The following PRKN variants were observed in gnomAD, a reference collection of about 807,000 sequenced individuals.
The protein encoded by PRKN is E3 ubiquitin-protein ligase parkin.
A neutral mutation model predicts 59.5 loss-of-function variants in PRKN; 56 were observed. The ratio of observed to expected loss-of-function variants is 0.94; its 90% confidence interval spans 0.76 to 1.18. PRKN has a LOEUF of 1.18. PRKN is among the 50% of genes most tolerant of loss of function. The pLI is 0.00. For missense variants in PRKN, 657 were observed against 596.4 expected (o/e 1.10, Z -1.06); for synonymous variants, 250 against 222.1 (o/e 1.13, Z -1.12).
chr6:162,250,868 C>G (rs1012378382), intron 3 of PRKN, among the ~76,000 whole-genome samples: 1 of 151,220 alleles, frequency 6.6e-6, no homozygotes, highest in African/African-American at 2.4e-5. Flanking sequence ...TTTTAGGGCT[C>G]TAGTTATTTC....
intron 4 of PRKN, among the ~76,000 whole-genome samples, chr6:162,141,311 T>C (rs368910019): frequency 6.6e-6 from 1 of 152,134 alleles, no homozygotes; most frequent in South Asian, 2.1e-4. Context: ...ATCAAAAGTA[T>C]CTAAGATTCA....
intron 2 of PRKN, among the ~76,000 whole-genome samples, chr6:162,281,522 G>A (rs1046631011): frequency 1.3e-5 from 2 of 152,084 alleles, no homozygotes; most frequent in African/African-American, 4.8e-5. Context: ...TATCTAACCT[G>A]CTATATCCTA....
chr6:162,561,167 A>C (rs1164856365), intron 1 of PRKN, among the ~76,000 whole-genome samples: 9 of 152,138 alleles, frequency 5.9e-5, no homozygotes, highest in Non-Finnish European at 1.5e-5. Flanking sequence ...GATAAAGCTG[A>C]GGTCTCCAGG....
At chr6:162,226,014 C>T (rs996230185) in intron 3 of PRKN, among the ~76,000 whole-genome samples, 1 of 146,994 alleles carries the variant, frequency 6.8e-6, no homozygotes, top group Non-Finnish European at 1.5e-5. Context: ...AAGCAATGAT[C>T]CCCCAGGGGA....
chr6:162,130,671 A>G (rs1054082311), intron 4 of PRKN, among the ~76,000 whole-genome samples: 10 of 152,222 alleles, frequency 6.6e-5, no homozygotes, highest in African/African-American at 2.4e-4. Context: ...GTGACTATCC[A>G]TCATACAGGA....
At chr6:162,139,332 G>C (rs1781682242) in intron 4 of PRKN, among the ~76,000 whole-genome samples, 1 of 152,106 alleles carries the variant, frequency 6.6e-6, no homozygotes. Flanking sequence ...AAAATTTTTA[G>C]AATAAGTATC....
At chr6:162,096,525 C>G (rs1403299865) in intron 4 of PRKN, among the ~76,000 whole-genome samples, 4 of 152,148 alleles carry the variant, frequency 2.6e-5, no homozygotes, top group African/African-American at 7.2e-5. Context: ...AATTGTAGCT[C>G]CCATAATTCC....
chr6:162,574,216 G>A (rs1387590234), intron 1 of PRKN, among the ~76,000 whole-genome samples: 1 of 152,072 alleles, frequency 6.6e-6, no homozygotes, highest in Non-Finnish European at 1.5e-5. Context: ...AATCTTCAAA[G>A]AAGGCACATA....
In PRKN at chr6:162,495,201, G is replaced by A. The variant is rs1313347365; in HGVS notation, c.8-51728C>T. Among the ~76,000 whole-genome samples, 3 of 152,240 alleles carry A rather than the reference G, an allele frequency of 2.0e-5. No individual in the cohort carries two copies. In the East Asian group the frequency reaches 5.8e-4, roughly 29 times the overall value. On this transcript the variant is annotated intron_variant, in intron 1 of 11. Transcript: ENST00000366898. ...AAAAAAGTTATTCAAAGAAGTATTT[G>A]AGATGGACTTAAATATCAAAACCAT...
Position 161,456,479 on chromosome 6 carries a change from G to A in PRKN, c.1084-69602C>T, listed in dbSNP as rs995031374. 3.9e-5 allele frequency among the ~76,000 whole-genome samples: 6 copies of A among 152,276 alleles called. No individual in the cohort carries two copies. Among genetic ancestry groups the A allele is most frequent in the African/African-American group, 4.8e-5 (2 of 41,564 alleles). On this transcript the variant is annotated intron_variant, in intron 9 of 11. Transcript: ENST00000366898. The surrounding 1 kb of genome is among the most constrained non-coding windows in gnomAD (Gnocchi z 4.8). ...CTTTTGAGGTTTTGGGAGTCAGACC[G>A]GCTTCCTTGCTCCTCAGCTTGCAGA...
intron 1 of PRKN, among the ~76,000 whole-genome samples, chr6:162,543,855 C>G (rs1779017013): frequency 6.6e-6 from 1 of 152,136 alleles, no homozygotes; most frequent in African/African-American, 2.4e-5. Flanking sequence ...AAAAACATGG[C>G]AAGGTGCAGG....
intron 7 of PRKN, among the ~76,000 whole-genome samples, chr6:161,630,391 G>A (rs912366387): frequency 6.6e-6 from 1 of 151,932 alleles, no homozygotes; most frequent in African/African-American, 2.4e-5. Context: ...TGACACACAC[G>A]GTATGTCCCC....
chr6:161,913,306 G>A (rs536600499), intron 6 of PRKN, among the ~76,000 whole-genome samples: 30 of 151,924 alleles, frequency 2.0e-4, no homozygotes, highest in African/African-American at 6.5e-4. Flanking sequence ...AGAGACTAAC[G>A]TCTTAAATAT....
chr6:162,473,392 C>T (rs1791853706), intron 1 of PRKN, among the ~76,000 whole-genome samples: 2 of 152,148 alleles, frequency 1.3e-5, no homozygotes, highest in Admixed American at 6.6e-5. Flanking sequence ...GGTGAACACA[C>T]TTTGAATCAG....
chr6:162,138,415 C>T (rs1781636101), intron 4 of PRKN, among the ~76,000 whole-genome samples: 1 of 152,108 alleles, frequency 6.6e-6, no homozygotes, highest in Non-Finnish European at 1.5e-5. Context: ...TCGACTAGCT[C>T]AACTGTTGCC....
At chr6:162,657,438 T>C (rs1220965118) in intron 1 of PRKN, among the ~76,000 whole-genome samples, 1 of 152,118 alleles carries the variant, frequency 6.6e-6, no homozygotes, top group Admixed American at 6.6e-5. Context: ...ATATCAACTT[T>C]CCATCAATAT....
At chr6:162,496,911 T>C (rs73785519) in intron 1 of PRKN, among the ~76,000 whole-genome samples, 24,185 of 152,214 alleles carry the variant, frequency 0.16, 2,113 homozygotes, top group Non-Finnish European at 0.18. Context: ...GCCACTGTCC[T>C]GGTTTACAGC....
At chr6:162,016,771 A>G (rs547685643) in intron 5 of PRKN, among the ~76,000 whole-genome samples, 1 of 152,184 alleles carries the variant, frequency 6.6e-6, no homozygotes, top group Non-Finnish European at 1.5e-5. Context: ...TTTACCAGGG[A>G]GATGTCATGG....
At chr6:162,125,179 T>C (rs1417308394) in intron 4 of PRKN, among the ~76,000 whole-genome samples, 2 of 152,162 alleles carry the variant, frequency 1.3e-5, no homozygotes, top group Non-Finnish European at 2.9e-5. Flanking sequence ...GGAAAAACGC[T>C]GCCAACATCG....
Sources: allele counts gnomAD v4.1 joint callset (sites outside exome capture counted in the v4.1 genomes callset), GRCh38; gene constraint gnomAD v4.1.1; non-coding constraint Gnocchi (gnomAD v3.1); transcripts MANE v1.5; gene names NCBI Gene and HGNC (gene_info 2026-07-23, HGNC 2026-07-21).